LRRC53: variants seen among roughly 807,000 people sequenced by gnomAD.
LRRC53 encodes leucine rich repeat containing 53, also known as leucine-rich repeat-containing protein 53.
A neutral mutation model predicts 13.6 loss-of-function variants in LRRC53; 25 were observed. The ratio of observed to expected loss-of-function variants is 1.83; its 90% CI spans 1.34 to 2.56. The LOEUF (loss-of-function observed/expected upper bound fraction) is 2.56. Among genes scored for constraint, LRRC53 ranks in the 30% most tolerant of loss-of-function variants. The probability of loss-of-function intolerance (pLI) is 0.00; values close to 1 mark genes in which losing one functional copy is unlikely to be tolerated. For synonymous variants in LRRC53, 204 were observed against 109.8 expected (o/e 1.86, Z -5.37); for missense variants, 527 against 275.8 (o/e 1.91, Z -6.45).
chr1:74,483,765 C>T (rs989183383), intron 1 of LRRC53, among the ~76,000 whole-genome samples: 2 of 152,082 alleles, frequency 1.3e-5, no homozygotes, highest in Non-Finnish European at 2.9e-5. Flanking sequence ...AATCACATAG[C>T]GGGTAGGTAT....
the LRRC53 span, among the ~76,000 whole-genome samples, chr1:74,520,513 C>T: frequency 1.3e-5 from 2 of 151,946 alleles, no homozygotes; most frequent in Admixed American, 1.3e-4. Context: ...TCTTCTGCCT[C>T]TGGCTCTTTT....
chr1:74,472,063 C>T lies in LRRC53; in HGVS notation c.1559G>A (p.Arg520Lys), dbSNP rs558974834. The change falls in exon 5 of 5, where the codon AGG (arginine) becomes AAG (lysine). Residue 520 changes from arginine (R) to lysine (K), a missense_variant. Transcript: ENST00000294635. ...EKEDNGLHPH[R>K]QRHFITSSSS... ...TGAGCTTGTAATAAAATGTCTTTGCCTATGAGGGTGTAAGCCATTGTCTTC... is the reference window on the plus strand; with the variant it reads ...TGAGCTTGTAATAAAATGTCTTTGCTTATGAGGGTGTAAGCCATTGTCTTC... 132 of 715,950 alleles carry T rather than the reference C, an allele frequency of 1.8e-4. 2 individuals carry two copies. The highest frequency in any genetic ancestry group is 1.8e-3 in the South Asian group (121 of 67,344). The allele number at this position is 715,950 out of a possible 1,614,324, so 44.3% of individuals were successfully genotyped here.
At chr1:74,494,503 A>T (rs537578499) in intron 1 of LRRC53, among the ~76,000 whole-genome samples, 1 of 152,328 alleles carries the variant, frequency 6.6e-6, no homozygotes, top group East Asian at 1.9e-4. Context: ...AAAAGGACCC[A>T]TAGGCCAAGA....
At position 74,470,228 on chromosome 1, in the gene LRRC53, C is replaced by T. The variant is rs1667856130; in HGVS notation, c.3394G>A (p.Ala1132Thr). Reference protein sequence around the residue: ...EKYILHDASSAEETITAKDLS... With the variant: ...EKYILHDASSTEETITAKDLS... The stretch of plus-strand genomic sequence containing the variant: ...TCTTTAGCTGTAATGGTCTCCTCGG[C>T]AGAGCTTGCATCATGTAATATATAT... The change falls in exon 5 of 5, where the codon GCC becomes ACC. Residue 1132 changes from alanine to threonine, a missense_variant. Transcript: ENST00000294635. The T allele has an allele frequency of 2.5e-6, 1 of 400,688 alleles. No homozygotes were observed. The highest frequency in any genetic ancestry group is 4.4e-6 in the Non-Finnish European group (1 of 226,174). The allele number at this position is 400,688 out of a possible 1,614,324, so 24.8% of individuals were successfully genotyped here.
the LRRC53 span, among the ~76,000 whole-genome samples, chr1:74,523,838 A>G: frequency 2.0e-5 from 3 of 152,314 alleles, no homozygotes; most frequent in East Asian, 5.8e-4. Flanking sequence ...GGTTTGTTAC[A>G]TAGGTATACA....
At chr1:74,486,201 AAGAGAGAGAGAGAG>A (rs58506314) in intron 1 of LRRC53, among the ~76,000 whole-genome samples, 1 of 136,412 alleles carries the variant, frequency 7.3e-6, no homozygotes, top group African/African-American at 2.6e-5. Flanking sequence ...AAATGCTATA[AAGAGAGAGAGAGAG>A]AGAGAGAGAG....
chr1:74,492,170 G>C (rs375373524), intron 1 of LRRC53: 1 of 1,612,624 alleles, frequency 6.2e-7, no homozygotes, highest in South Asian at 1.1e-5. Context: ...CTGGTGAACC[G>C]GGGAGGACCT....
At chr1:74,513,567 T>G (rs1192954156), upstream of LRRC53, among the ~76,000 whole-genome samples, 1 of 152,228 alleles carries the variant, frequency 6.6e-6, no homozygotes, top group Non-Finnish European at 1.5e-5. Flanking sequence ...ATGCCAAACC[T>G]AAGCAAATCT....
intron 1 of LRRC53, among the ~76,000 whole-genome samples, chr1:74,508,816 C>T (rs1417967016): frequency 1.3e-5 from 2 of 152,188 alleles, no homozygotes; most frequent in Non-Finnish European, 2.9e-5. Context: ...GTTCTAATCC[C>T]ACCTCTGCCT....
At chr1:74,493,234 T>C (rs1317929870) in intron 1 of LRRC53, among the ~76,000 whole-genome samples, 1 of 152,122 alleles carries the variant, frequency 6.6e-6, no homozygotes, top group Non-Finnish European at 1.5e-5. Context: ...AGTAAATGCT[T>C]AATTGTCTCC....
In LRRC53 at chr1:74,500,550, G is replaced by A. The variant is rs1010593249; in HGVS notation, c.-27+11976C>T. ...ACCCGGGAGGCGGAGCTTGCAGTGA[G>A]CTGAGATCCCGCCACTGCACTCCAG... On this transcript the variant is annotated intron_variant, in intron 1 of 4. Transcript: ENST00000294635. Among the ~76,000 whole-genome samples, 7 of 135,916 alleles carry A rather than the reference G, an allele frequency of 5.2e-5. No homozygotes were observed. The South Asian group carries it at 1.5e-3, about 29-fold the overall frequency. The allele number at this position is 135,916 out of a possible 152,430, so 89.2% of individuals were successfully genotyped here. A position where few individuals can be genotyped will look rare whatever the true frequency, so the allele number is the denominator to read the frequency against.
chr1:74,497,867 G>A (rs554888944), intron 1 of LRRC53, among the ~76,000 whole-genome samples: 5 of 152,190 alleles, frequency 3.3e-5, no homozygotes, highest in African/African-American at 4.8e-5. Context: ...TCAGGAGTCC[G>A]AAATCCTCAG....
rs75894201 is a variant in LRRC53, at chr1:74,474,136, G to A, written c.1420+1159C>T. On this transcript the variant is annotated intron_variant, in intron 4 of 4. Transcript: ENST00000294635. ...GAAAACAACAGACTGGGTTTTAAAT[G>A]GTTAAAAGAGCACATCCCCTTCAGT... 8.4e-3 allele frequency among the ~76,000 whole-genome samples: 1,278 copies of A among 152,202 alleles called. 18 individuals are homozygous for A. Among genetic ancestry groups the A allele is most frequent in the African/African-American group, 0.03 (1,225 of 41,518 alleles).
At chr1:74,481,486 G>T (rs1668500391) in intron 2 of LRRC53, among the ~76,000 whole-genome samples, 1 of 152,184 alleles carries the variant, frequency 6.6e-6, no homozygotes, top group South Asian at 2.1e-4. Flanking sequence ...AAGGAGCATT[G>T]ATTTCTGCTT....
At chr1:74,492,124 A>G in intron 1 of LRRC53, 1 of 1,610,756 alleles carries the variant, frequency 6.2e-7, no homozygotes, top group Non-Finnish European at 8.5e-7. Flanking sequence ...AAGTAACAGC[A>G]GTGGGTCTCT....
chr1:74,479,680 C>T (rs1668380636), intron 3 of LRRC53, among the ~76,000 whole-genome samples: 1 of 152,158 alleles, frequency 6.6e-6, no homozygotes, highest in East Asian at 1.9e-4. Context: ...CTGTGAAAGC[C>T]CTCTGACTCT....
intron 1 of LRRC53, among the ~76,000 whole-genome samples, chr1:74,509,369 G>A (rs974762157): frequency 3.3e-5 from 5 of 152,152 alleles, no homozygotes; most frequent in East Asian, 1.9e-4. Context: ...AAAATAAAGC[G>A]ATAGTCAATT....
At chr1:74,495,387 T>C (rs932070884) in intron 1 of LRRC53, among the ~76,000 whole-genome samples, 1 of 152,224 alleles carries the variant, frequency 6.6e-6, no homozygotes, top group Non-Finnish European at 1.5e-5. Context: ...TTAGTATCTA[T>C]CTAGCAGTAT....
the LRRC53 span, among the ~76,000 whole-genome samples, chr1:74,530,134 G>C: frequency 5.3e-5 from 8 of 152,192 alleles, no homozygotes; most frequent in African/African-American, 1.9e-4. Flanking sequence ...CAGCCGTTAG[G>C]TGTCTACGTT....
Sources: gnomAD v4.1 joint callset for allele counts (sites outside exome capture counted in the v4.1 genomes callset) on GRCh38, gnomAD v4.1.1 for gene constraint, MANE v1.5 for transcripts, NCBI Gene and HGNC (gene_info 2026-07-23, HGNC 2026-07-21) for gene names.